The following REEP1 variants were observed in gnomAD, a reference collection of about 807,000 sequenced individuals.
REEP1 encodes the protein receptor accessory protein 1.
A neutral mutation model predicts 40.3 loss-of-function variants in REEP1; 22 were observed. The ratio of observed to expected loss-of-function variants is 0.55; its 90% confidence interval spans 0.39 to 0.78. The LOEUF (loss-of-function observed/expected upper bound fraction) is 0.78, where lower values mean the gene tolerates loss of function less well. Ranked by LOEUF, REEP1 falls within the 30% of genes least tolerant of loss-of-function variation. REEP1 has a pLI of 0.00. For missense variants in REEP1, 280 were observed against 361.1 expected, an observed-to-expected ratio of 0.78 and a Z score of 1.82; for synonymous variants, 116 against 139.2, an observed-to-expected ratio of 0.83 and a Z score of 1.17.
chr2:86,216,961 T>C lies in REEP1; in HGVS notation c.*78A>G, dbSNP rs1674143745. The C allele has an allele frequency of 1.5e-6, 2 of 1,306,000 alleles. No individual in the cohort carries two copies. Among genetic ancestry groups the C allele is most frequent in the Non-Finnish European group, 1.1e-6 (1 of 906,260 alleles). The allele number at this position is 1,306,000 out of a possible 1,614,324, so 80.9% of individuals were successfully genotyped here. A position where few individuals can be genotyped will look rare whatever the true frequency, so the allele number is the denominator to read the frequency against. ...ACTCAAAGCACACCCAGCTTGCGGA[T>C]TTCTATGTTATTAGTGAATAGCTCT... is the stretch of plus-strand genomic sequence containing the variant. On this transcript the variant is annotated 3_prime_UTR_variant, in exon 9 of 9. Transcript: ENST00000538924.
chr2:86,272,273 T>C (rs573956675), intron 2 of REEP1, among the ~76,000 whole-genome samples: 2 of 152,336 alleles, frequency 1.3e-5, no homozygotes, highest in South Asian at 4.1e-4. Flanking sequence ...AGCTACAAAC[T>C]TCTCCAGTGA....
Position 86,256,175 on chromosome 2 carries a change from C to T in REEP1, c.183-1361G>A, listed in dbSNP as rs369317586. ...CAGCCTGACCAATATGGTGAAACTC[C>T]GTCTCTACTAAAAAATACAAAAATT... On this transcript the variant is annotated intron_variant, in intron 3 of 8. Transcript: ENST00000538924. 9.0e-3 allele frequency among the ~76,000 whole-genome samples: 1,361 copies of T among 151,840 alleles called. 25 individuals carry two copies. The highest frequency in any genetic ancestry group is 0.031 in the African/African-American group (1,291 of 41,370).
rs147844901 is a variant in REEP1, at chr2:86,275,638, T to A, written c.105+6532A>T. Among the ~76,000 whole-genome samples the A allele has an allele frequency of 1.6e-3, 243 of 152,320 alleles. 2 individuals are homozygous for A. Among genetic ancestry groups the A allele is most frequent in the African/African-American group, 5.7e-3 (235 of 41,564 alleles). On this transcript the variant is annotated intron_variant, in intron 2 of 8. Transcript: ENST00000538924. Reference sequence around the variant, plus strand: ...GAAATCTGTTTACCCTGTCTTGCCTTACCTTTCTCACAGAAACCACAATGA... The same window carrying A: ...GAAATCTGTTTACCCTGTCTTGCCTAACCTTTCTCACAGAAACCACAATGA...
At chr2:86,302,925 A>T (rs1242925138) in intron 1 of REEP1, among the ~76,000 whole-genome samples, 1 of 152,190 alleles carries the variant, frequency 6.6e-6, no homozygotes, top group Non-Finnish European at 1.5e-5. Context: ...TCATGATACA[A>T]AGATGAGTGG....
intron 1 of REEP1, among the ~76,000 whole-genome samples, chr2:86,287,001 T>C (rs1010992337): frequency 6.6e-6 from 1 of 152,252 alleles, no homozygotes; most frequent in Non-Finnish European, 1.5e-5. Flanking sequence ...AGAAATTGTA[T>C]GTCACACAAG....
At chr2:86,260,296 G>A (rs1211908055) in intron 3 of REEP1, among the ~76,000 whole-genome samples, 1 of 152,122 alleles carries the variant, frequency 6.6e-6, no homozygotes, top group Admixed American at 6.5e-5. Context: ...AAGAGCAAAG[G>A]ACCCTCACTT....
chr2:86,302,103 C>A (rs879578018), intron 1 of REEP1, among the ~76,000 whole-genome samples: 1 of 152,218 alleles, frequency 6.6e-6, no homozygotes, highest in Non-Finnish European at 1.5e-5. Flanking sequence ...GCAGCTTGTG[C>A]CCAAAGGTCA....
At chr2:86,293,246 T>C (rs1448546348) in intron 1 of REEP1, among the ~76,000 whole-genome samples, 2 of 152,210 alleles carry the variant, frequency 1.3e-5, no homozygotes, top group African/African-American at 4.8e-5. Context: ...CTAATCCAAC[T>C]TGATACCTCA....
intron 1 of REEP1, among the ~76,000 whole-genome samples, chr2:86,303,312 G>GT (rs913523599): frequency 2.1e-5 from 3 of 145,266 alleles, no homozygotes; most frequent in African/African-American, 7.7e-5. Flanking sequence ...CGCCTCCCAG[G>GT]TTCAAGTGAT....
At chr2:86,290,839 T>C (rs1430904279) in intron 1 of REEP1, among the ~76,000 whole-genome samples, 3 of 152,170 alleles carry the variant, frequency 2.0e-5, no homozygotes, top group Admixed American at 2.0e-4. Context: ...AGCAAACCAC[T>C]TGGGCTTTGG....
chr2:86,255,996 C>A lies in REEP1; in HGVS notation c.183-1182G>T, dbSNP rs947305505. Among the ~76,000 whole-genome samples, 6 of 152,190 alleles carry A rather than the reference C, an allele frequency of 3.9e-5. No individual in the cohort carries two copies. The East Asian group carries it at 7.8e-4, about 20-fold the overall frequency. On this transcript the variant is annotated intron_variant, in intron 3 of 8. Transcript: ENST00000538924. Reference sequence around the variant, plus strand: ...TTCTGTATTCTGATGTACTTTGGGGCCTTGCTTACTCTGGAGGAACTGCCC... The same window carrying A: ...TTCTGTATTCTGATGTACTTTGGGGACTTGCTTACTCTGGAGGAACTGCCC...
intron 1 of REEP1, among the ~76,000 whole-genome samples, chr2:86,307,697 C>G (rs1197069358): frequency 6.6e-6 from 1 of 151,482 alleles, no homozygotes; most frequent in Non-Finnish European, 1.5e-5. Context: ...CCACTGCACT[C>G]CAGGTCTGGG....
chr2:86,321,616 C>A (rs1035501272), intron 1 of REEP1, among the ~76,000 whole-genome samples: 2 of 152,202 alleles, frequency 1.3e-5, no homozygotes, highest in African/African-American at 4.8e-5. Flanking sequence ...ACTTCATGAC[C>A]AAATTGGGTT....
chr2:86,337,460 G>C lies in REEP1; in HGVS notation c.32+19C>G, dbSNP rs536482080. 3.7e-4 allele frequency: 463 copies of C among 1,267,082 alleles called. 6 individuals carry two copies. The South Asian group carries it at 0.011, about 29-fold the overall frequency. The allele number at this position is 1,267,082 out of a possible 1,614,324, so 78.5% of individuals were successfully genotyped here. A position where few individuals can be genotyped will look rare whatever the true frequency, so the allele number is the denominator to read the frequency against. On this transcript the variant is annotated intron_variant, in intron 1 of 8. Coordinates refer to ENST00000538924, the MANE Select transcript of REEP1 (RefSeq NM_001371279.1). The surrounding 1 kb of genome is among the most constrained non-coding windows in gnomAD (Gnocchi z 5.8). The stretch of plus-strand genomic sequence containing the variant: ...GGGGAGGGAGGGGACGGAGGGGCGC[G>C]GGGGAGAAGGCCACTTACACCACCA...
chr2:86,242,256 C>T (rs1310964579), intron 5 of REEP1, among the ~76,000 whole-genome samples: 1 of 152,182 alleles, frequency 6.6e-6, no homozygotes, highest in African/African-American at 2.4e-5. Context: ...AAGCAGGGAG[C>T]TGGGACTTTT....
At chr2:86,277,706 C>A (rs1219131642) in intron 2 of REEP1, among the ~76,000 whole-genome samples, 1 of 152,108 alleles carries the variant, frequency 6.6e-6, no homozygotes, top group Non-Finnish European at 1.5e-5. Flanking sequence ...GCAACGGGAG[C>A]ATGAATTGGA....
intron 7 of REEP1, among the ~76,000 whole-genome samples, chr2:86,222,473 G>T (rs1047288996): frequency 1.3e-5 from 2 of 152,204 alleles, no homozygotes; most frequent in African/African-American, 4.8e-5. Context: ...TGCCAAGAGT[G>T]TTGTCTATAA....
intron 1 of REEP1, among the ~76,000 whole-genome samples, chr2:86,309,010 A>G (rs964934255): frequency 2.0e-5 from 3 of 152,138 alleles, no homozygotes; most frequent in African/African-American, 7.2e-5. Context: ...CACCTCCCAC[A>G]CTGTCATGAA....
At chr2:86,324,985 A>G (rs1477708315) in intron 1 of REEP1, among the ~76,000 whole-genome samples, 1 of 152,242 alleles carries the variant, frequency 6.6e-6, no homozygotes, top group Non-Finnish European at 1.5e-5. Flanking sequence ...TCACTGTACT[A>G]TTATCCATTA....
Sources: gnomAD v4.1 joint callset for allele counts (sites outside exome capture counted in the v4.1 genomes callset) on GRCh38, gnomAD v4.1.1 for gene constraint, Gnocchi (gnomAD v3.1) non-coding constraint, MANE v1.5 for transcripts, NCBI Gene and HGNC (gene_info 2026-07-23, HGNC 2026-07-21) for gene names.